The following SCAPER variants were observed in gnomAD, a reference collection of about 807,000 sequenced individuals.
SCAPER encodes the protein S-phase cyclin A associated protein in the ER.
Under a neutral mutation model 182.2 loss-of-function variants are expected in SCAPER, and 98 were observed. The ratio of observed to expected loss-of-function variants is 0.54; its 90% CI spans 0.46 to 0.64. The LOEUF (loss-of-function observed/expected upper bound fraction) is 0.64. SCAPER is among the 30% of genes least tolerant of loss of function. The pLI is 0.00. For synonymous variants in SCAPER, 605 were observed against 564.6 expected (o/e 1.07, Z -1.01); for missense variants, 1,432 against 1,690.0 (o/e 0.85, Z 2.68).
chr15:76,528,273 T>C (rs143677693), intron 23 of SCAPER, among the ~76,000 whole-genome samples: 169 of 152,322 alleles, frequency 1.1e-3, no homozygotes, highest in African/African-American at 3.8e-3. Context: ...TCCTGTCTTC[T>C]TCATTCTATA....
chr15:76,426,991 C>T (rs62028409), intron 26 of SCAPER, among the ~76,000 whole-genome samples: 10,339 of 152,148 alleles, frequency 0.068, 392 homozygotes, highest in Middle Eastern at 0.11. Flanking sequence ...TTCAATAAAC[C>T]GTGCTGGGAT....
intron 4 of SCAPER, among the ~76,000 whole-genome samples, chr15:76,849,929 C>T (rs2070553929): frequency 6.6e-6 from 1 of 152,106 alleles, no homozygotes; most frequent in African/African-American, 2.4e-5. Flanking sequence ...AGAGTGAGTG[C>T]CAGCAGGGGA....
At chr15:76,380,018 C>T (rs1039356447) in intron 28 of SCAPER, 27 of 152,204 alleles carry the variant, frequency 1.8e-4, no homozygotes, top group African/African-American at 5.8e-4. Context: ...TAGATATTTG[C>T]TATTCCATAA....
In SCAPER at chr15:76,400,279, C is replaced by A. The variant is rs141455261; in HGVS notation, c.3467+4245G>T. On this transcript the variant is annotated intron_variant, in intron 27 of 31. Coordinates refer to ENST00000563290, the MANE Select transcript of SCAPER (RefSeq NM_020843.4). ...TCCTGTCACAAAAGGGCTAGGAGGA[C>A]AAAGCCTTCCTTGACTCTGGTTCTG... is the stretch of plus-strand genomic sequence containing the variant. Among the ~76,000 whole-genome samples, 11 of 152,290 alleles carry A rather than the reference C, an allele frequency of 7.2e-5. No individual in the cohort carries two copies. In the East Asian group the frequency reaches 2.1e-3, roughly 29 times the overall value.
At chr15:76,692,338 G>A (rs988865163) in intron 20 of SCAPER, among the ~76,000 whole-genome samples, 4 of 152,108 alleles carry the variant, frequency 2.6e-5, no homozygotes, top group Non-Finnish European at 4.4e-5. Context: ...AATATTTTAA[G>A]TACTTCCATT....
At chr15:76,663,289 T>C (rs74026038) in intron 21 of SCAPER, among the ~76,000 whole-genome samples, 7,541 of 152,144 alleles carry the variant, frequency 0.05, 227 homozygotes, top group South Asian at 0.12. Context: ...ATACCAAATA[T>C]TGGCAAGAAT....
intron 26 of SCAPER, among the ~76,000 whole-genome samples, chr15:76,429,178 T>C (rs973024396): frequency 2.0e-5 from 3 of 152,074 alleles, no homozygotes; most frequent in African/African-American, 4.8e-5. Context: ...AGCATGATTG[T>C]GAGGCCTCCC....
intron 28 of SCAPER, among the ~76,000 whole-genome samples, chr15:76,377,804 T>C (rs549257462): frequency 5.0e-4 from 76 of 152,216 alleles, no homozygotes; most frequent in Non-Finnish European, 9.7e-4. Flanking sequence ...AAAATAAGCA[T>C]ACAGGTTTGT....
chr15:76,681,878 TC>T (rs2057729399), intron 20 of SCAPER, among the ~76,000 whole-genome samples: 2 of 152,088 alleles, frequency 1.3e-5, no homozygotes, highest in Admixed American at 6.5e-5. Flanking sequence ...TGACTGACCA[TC>T]CCCCAAGGCT....
intron 10 of SCAPER, among the ~76,000 whole-genome samples, chr15:76,770,476 A>T (rs2063400560): frequency 6.6e-6 from 1 of 152,170 alleles, no homozygotes; most frequent in South Asian, 2.1e-4. Flanking sequence ...GGTTTGTCAA[A>T]ACAAAACAAA....
intron 5 of SCAPER, among the ~76,000 whole-genome samples, chr15:76,819,160 G>T (rs1187726927): frequency 6.6e-6 from 1 of 152,222 alleles, no homozygotes; most frequent in African/African-American, 2.4e-5. Context: ...ACATCTGGGG[G>T]CAGGGCACAG....
chr15:76,613,031 G>A (rs910248651), intron 22 of SCAPER, among the ~76,000 whole-genome samples: 1 of 152,116 alleles, frequency 6.6e-6, no homozygotes, highest in African/African-American at 2.4e-5. Flanking sequence ...TATACTACAG[G>A]GCTACAGTAA....
At chr15:76,787,155 G>A (rs2064670612) in intron 8 of SCAPER, among the ~76,000 whole-genome samples, 2 of 151,986 alleles carry the variant, frequency 1.3e-5, no homozygotes, top group Non-Finnish European at 2.9e-5. Flanking sequence ...AATGTATATA[G>A]AAAGACAAAG....
intron 22 of SCAPER, among the ~76,000 whole-genome samples, chr15:76,613,508 C>A (rs1044878379): frequency 5.3e-5 from 8 of 151,974 alleles, no homozygotes; most frequent in African/African-American, 1.9e-4. Flanking sequence ...GGAGAAAATT[C>A]TTGAAAACTA....
At chr15:76,851,014 A>C (rs2070702168) in intron 4 of SCAPER, among the ~76,000 whole-genome samples, 1 of 152,156 alleles carries the variant, frequency 6.6e-6, no homozygotes, top group South Asian at 2.1e-4. Flanking sequence ...AAAGAACCTA[A>C]CAGATCTAAC....
rs1253210713 is a variant in SCAPER, at chr15:76,772,532, C to T, written c.1036-578G>A. Among the ~76,000 whole-genome samples, 3 of 151,926 alleles carry T rather than the reference C, an allele frequency of 2.0e-5. No homozygotes were observed. The East Asian group carries it at 5.8e-4, about 29-fold the overall frequency. On this transcript the variant is annotated intron_variant, in intron 9 of 31. Transcript: ENST00000563290. ...CATATGGTACATGAACCCAATTCTC[C>T]GATCTGAAAGAGAAAAGCATGACCT... is the stretch of plus-strand genomic sequence containing the variant.
intron 20 of SCAPER, among the ~76,000 whole-genome samples, chr15:76,693,043 T>G (rs1286266053): frequency 6.6e-6 from 1 of 152,186 alleles, no homozygotes; most frequent in Admixed American, 6.5e-5. Flanking sequence ...TAGATTTATC[T>G]CTTCTTGTTG....
At chr15:76,626,058 G>A (rs957967069) in intron 21 of SCAPER, among the ~76,000 whole-genome samples, 8 of 152,034 alleles carry the variant, frequency 5.3e-5, no homozygotes, top group East Asian at 1.9e-4. Context: ...GTGTTGGGCC[G>A]CATTCAAAGC....
At chr15:76,677,564 C>T (rs2057437528) in intron 20 of SCAPER, among the ~76,000 whole-genome samples, 1 of 151,736 alleles carries the variant, frequency 6.6e-6, no homozygotes, top group Non-Finnish European at 1.5e-5. Context: ...TAATTCCACA[C>T]ACACAATAAA....
Sources: allele counts gnomAD v4.1 joint callset (sites outside exome capture counted in the v4.1 genomes callset), GRCh38; gene constraint gnomAD v4.1.1; transcripts MANE v1.5; gene names NCBI Gene and HGNC (gene_info 2026-07-23, HGNC 2026-07-21).